CEMIP: variants seen among roughly 807,000 people sequenced by gnomAD.
CEMIP encodes cell migration-inducing and hyaluronan-binding protein.
CEMIP carries 105 observed loss-of-function variants against 156.9 expected under a neutral mutation model. The ratio of observed to expected loss-of-function variants is 0.67; its 90% confidence interval spans 0.57 to 0.79. CEMIP has a LOEUF of 0.79. Among genes scored for constraint, CEMIP ranks in the 30% least tolerant of loss-of-function variants. The pLI is 0.00. For missense variants in CEMIP, 1,457 were observed against 1,769.4 expected, an observed-to-expected ratio of 0.82 and a Z score of 3.17; for synonymous variants, 676 against 668.4, an observed-to-expected ratio of 1.01 and a Z score of -0.17.
chr15:80,824,774 C>T (rs777362194), intron 1 of CEMIP, among the ~76,000 whole-genome samples: 12 of 152,190 alleles, frequency 7.9e-5, no homozygotes, highest in Non-Finnish European at 1.5e-4. Context: ...TGTCTCTTGT[C>T]TTTGATTCTT....
chr15:80,943,259 G>T (rs943773359), intron 28 of CEMIP, among the ~76,000 whole-genome samples, 157 bp downstream of exon 28: 2 of 152,250 alleles, frequency 1.3e-5, no homozygotes, highest in African/African-American at 2.4e-5. Context: ...TTGGACAAGA[G>T]CGTCCTTGCC....
intron 14 of CEMIP, among the ~76,000 whole-genome samples, chr15:80,919,590 G>C (rs900499550): frequency 3.9e-5 from 6 of 152,166 alleles, no homozygotes; most frequent in African/African-American, 1.4e-4. Context: ...AAGGCGGGCG[G>C]ATCATGAGGT....
intron 1 of CEMIP, among the ~76,000 whole-genome samples, chr15:80,806,525 A>G (rs1294046799): frequency 6.6e-6 from 1 of 152,180 alleles, no homozygotes; most frequent in African/African-American, 2.4e-5. Context: ...ATGGGGATGA[A>G]TTTGTCCATT....
At chr15:80,879,936 G>A (rs1898593015) in intron 5 of CEMIP, 82 bp downstream of exon 5, 2 of 1,517,888 alleles carry the variant, frequency 1.3e-6, no homozygotes, top group African/African-American at 2.7e-5. Flanking sequence ...AGAGAGGCAA[G>A]AGGGCAAGCT....
rs775913013 is a variant in CEMIP at position 80,931,875 on chromosome 15, G to T, written c.2629G>T (p.Gly877Ter). Residue 877 changes from glycine (G) to a stop codon, truncating the protein, a stop_gained, in exon 22 of 30, where the codon GGA (glycine) becomes TGA (stop). Coordinates refer to ENST00000394685, the MANE Select transcript of CEMIP (RefSeq NM_001293298.2). LOFTEE classifies it high-confidence loss of function. ...ACTCCGTAGGAATTTTCCAATTAGA[G>T]GAATTCAGTTATATGATGGCCCCAT... Reference protein sequence around the residue: ...LPIGQNFPIRGIQLYDGPINI... With the variant: ...LPIGQNFPIR 1 of 1,614,022 alleles carries T rather than the reference G, an allele frequency of 6.2e-7. No homozygotes were observed. The highest frequency in any genetic ancestry group is 1.3e-5 in the African/African-American group (1 of 74,908).
At chr15:80,848,088 A>G (rs775007570) in intron 1 of CEMIP, among the ~76,000 whole-genome samples, 68 of 152,370 alleles carry the variant, frequency 4.5e-4, no homozygotes, top group South Asian at 6.2e-4. Context: ...TCAGAACTTT[A>G]AGAAGGAGAT....
intron 1 of CEMIP, among the ~76,000 whole-genome samples, chr15:80,855,832 T>C (rs1017987455): frequency 4.6e-5 from 7 of 152,226 alleles, no homozygotes; most frequent in Non-Finnish European, 1.0e-4. Flanking sequence ...CCGTGCCTTC[T>C]TTTTGCTCCC....
chr15:80,826,283 A>G (rs183734902), intron 1 of CEMIP, among the ~76,000 whole-genome samples: 41 of 152,306 alleles, frequency 2.7e-4, no homozygotes, highest in African/African-American at 9.9e-4. Flanking sequence ...GTTTGGGTTT[A>G]TTCTGCATGC....
intron 1 of CEMIP, among the ~76,000 whole-genome samples, chr15:80,783,588 C>A (rs1373856074): frequency 2.0e-5 from 3 of 152,168 alleles, no homozygotes; most frequent in Admixed American, 6.5e-5. Context: ...TACTGTTTTG[C>A]AAGCTATTCA....
chr15:80,931,544 C>T (rs1174322792), intron 21 of CEMIP, among the ~76,000 whole-genome samples: 5 of 152,142 alleles, frequency 3.3e-5, no homozygotes, highest in Non-Finnish European at 1.5e-5. Flanking sequence ...TCTCCAAACT[C>T]CAAACTAGCA....
In CEMIP at chr15:80,879,731, A is replaced by G. The variant is rs1898581011; in HGVS notation, c.257A>G (p.Lys86Arg). 6.2e-7 allele frequency: 1 copy of G among 1,614,196 alleles called. No individual in the cohort carries two copies. Among genetic ancestry groups the G allele is most frequent in the East Asian group, 2.2e-5 (1 of 44,886 alleles). The change falls in exon 5 of 30, where the codon AAA (lysine) becomes AGA (arginine). Residue 86 changes from lysine to arginine, a missense_variant. Physicochemically the swap from Lys to Arg is conservative, Grantham distance 26. Coordinates refer to ENST00000394685, the MANE Select transcript of CEMIP (RefSeq NM_001293298.2). ...ACCTCTTCAGGCAAGCTGGTCATTA[A>G]AGACCACGACGAGCCGATTGTTTTG... Reference protein sequence around the residue: ...HISEGGKLVIKDHDEPIVLRT... With the variant: ...HISEGGKLVIRDHDEPIVLRT...
In CEMIP at chr15:80,838,907, G is replaced by A. The variant is rs144199656; in HGVS notation, c.-175-34631G>A. On this transcript the variant is annotated intron_variant, in intron 1 of 29. Transcript: ENST00000394685. ...TGTGGCTCCAAAATCTGTGCTCCCCGGCTTCTGCCCTGCTTTCCCTGGACA... is the reference window on the plus strand; with the variant it reads ...TGTGGCTCCAAAATCTGTGCTCCCCAGCTTCTGCCCTGCTTTCCCTGGACA... Among the ~76,000 whole-genome samples, 71 of 152,294 alleles carry A rather than the reference G, an allele frequency of 4.7e-4. 1 individual carries two copies. Among genetic ancestry groups the A allele is most frequent in the East Asian group, 2.3e-3 (12 of 5,174 alleles).
In CEMIP at chr15:80,878,707, T is replaced by C. The variant is rs752985191; in HGVS notation, c.95-14T>C. 6.2e-7 allele frequency: 1 copy of C among 1,614,110 alleles called. No individual in the cohort carries two copies. Among genetic ancestry groups the C allele is most frequent in the Non-Finnish European group, 8.5e-7 (1 of 1,180,020 alleles). On this transcript the variant is annotated splice_polypyrimidine_tract_variant and intron_variant, in intron 3 of 29. Transcript: ENST00000394685. ...TGGTAGATGGGAGCAGTGACATCTCTCTGTCCTTGGCAGTGGCTGCTGGGT... is the reference window on the plus strand; with the variant it reads ...TGGTAGATGGGAGCAGTGACATCTCCCTGTCCTTGGCAGTGGCTGCTGGGT...
intron 18 of CEMIP, 130 bp from the exon 19 acceptor site, chr15:80,925,494 A>C (rs1233829379): frequency 1.2e-5 from 15 of 1,256,472 alleles, no homozygotes; most frequent in African/African-American, 4.5e-5. Context: ...GGCAATGCGA[A>C]TGGGTTTCTG....
chr15:80,827,015 GAGGATGGGTTTACTCTTTCTAAGGTCAT>G (rs1162761442), intron 1 of CEMIP, among the ~76,000 whole-genome samples: 1 of 152,238 alleles, frequency 6.6e-6, no homozygotes, highest in Non-Finnish European at 1.5e-5. Context: ...AAGCAGGACT[GAGGATGGGTTTACTCTTTCTAAGGTCAT>G]AGTTCCTGCC....
intron 23 of CEMIP, among the ~76,000 whole-genome samples, chr15:80,933,939 T>A (rs1901021345): frequency 1.3e-5 from 2 of 152,216 alleles, no homozygotes; most frequent in African/African-American, 2.4e-5. Flanking sequence ...GAAACAGAAT[T>A]TAATTTTAAT....
chr15:80,815,433 T>A (rs999975803), intron 1 of CEMIP, among the ~76,000 whole-genome samples: 1 of 152,258 alleles, frequency 6.6e-6, no homozygotes, highest in African/African-American at 2.4e-5. Context: ...TTCCAGATTG[T>A]TTGGCTATGA....
chr15:80,929,624 C>G (rs912713725), intron 21 of CEMIP, among the ~76,000 whole-genome samples: 3 of 152,150 alleles, frequency 2.0e-5, no homozygotes, highest in Admixed American at 1.3e-4. Context: ...GGTCTTCAAC[C>G]AGAAGACAGG....
At position 80,823,066 on chromosome 15, in the gene CEMIP, T is replaced by TAACAAC. The variant is rs369505880; in HGVS notation, c.-176+43465_-176+43470dup. 7.9e-3 allele frequency among the ~76,000 whole-genome samples: 1,200 copies of TAACAAC among 152,122 alleles called. 19 individuals carry two copies. Among genetic ancestry groups the TAACAAC allele is most frequent in the African/African-American group, 0.027 (1,109 of 41,498 alleles). On this transcript the variant is annotated intron_variant, in intron 1 of 29. Transcript: ENST00000394685. ...GCTATTTTGCATATTAAAATAACAA[T>TAACAAC]AACAACAACAACAACAACCCGCAAT... is the stretch of plus-strand genomic sequence containing the variant.
Sources: gnomAD v4.1 joint callset for allele counts (sites outside exome capture counted in the v4.1 genomes callset) on GRCh38, gnomAD v4.1.1 for gene constraint, MANE v1.5 for transcripts, NCBI Gene and HGNC (gene_info 2026-07-23, HGNC 2026-07-21) for gene names.